Variants in TLL2 observed in about 807,000 individuals in gnomAD.
TLL2 encodes tolloid like 2.
TLL2 carries 106 observed loss-of-function variants against 123.0 expected under a neutral mutation model. That is an observed-to-expected ratio of 0.86 (90% CI 0.74 to 1.01). The LOEUF (loss-of-function observed/expected upper bound fraction) is 1.01. Among genes scored for constraint, TLL2 ranks in the 50% least tolerant of loss-of-function variants. The pLI is 0.00. For synonymous variants in TLL2, 494 were observed against 516.8 expected (o/e 0.96, Z 0.60); for missense variants, 1,332 against 1,336.7 (o/e 1.00, Z 0.06).
chr10:96,367,924 A>T lies in TLL2; in HGVS notation c.*164T>A. The T allele has an allele frequency of 1.2e-6, 1 of 847,702 alleles. No individual in the cohort carries two copies. Among genetic ancestry groups the T allele is most frequent in the Non-Finnish European group, 1.7e-6 (1 of 572,686 alleles). 52.5% of individuals were successfully genotyped at this position (847,702 alleles called of 1,614,324 possible). ...TCTCTCCACCTTGTTGGCCAAACTT[A>T]CAAGACTTTCATTCAAATATATACC... is the stretch of plus-strand genomic sequence containing the variant. On this transcript the variant is annotated 3_prime_UTR_variant, in exon 21 of 21. Transcript: ENST00000357947.
intron 20 of TLL2, among the ~76,000 whole-genome samples, chr10:96,369,838 A>G (rs1478904208): frequency 6.6e-6 from 1 of 151,666 alleles, no homozygotes; most frequent in African/African-American, 2.4e-5. Flanking sequence ...GTGCTCTTCC[A>G]TGGCTGGCCT....
At chr10:96,440,509 T>G (rs1846840948) in intron 3 of TLL2, among the ~76,000 whole-genome samples, 1 of 152,248 alleles carries the variant, frequency 6.6e-6, no homozygotes, top group Non-Finnish European at 1.5e-5. Flanking sequence ...AGTTTGTTAC[T>G]CATTTCCCAT....
At position 96,410,367 on chromosome 10, in the gene TLL2, C is replaced by T; in HGVS notation, c.1156G>A (p.Gly386Arg). ...GGGGGCTTCCCACCTACCTTTTCCC[C>T]TGGGGTGACCGAGATCCTCCAGACG... is the stretch of plus-strand genomic sequence containing the variant. Reference protein sequence around the residue: ...HCVWRISVTPGEKIVLNFTSM... With the variant: ...HCVWRISVTPREKIVLNFTSM... Residue 386 changes from glycine to arginine, a missense_variant, in exon 9 of 21, where the codon GGG becomes AGG. Transcript: ENST00000357947. 2.5e-6 allele frequency: 4 copies of T among 1,613,006 alleles called. No homozygotes were observed. Among genetic ancestry groups the T allele is most frequent in the African/African-American group, 1.3e-5 (1 of 75,012 alleles).
intron 10 of TLL2, among the ~76,000 whole-genome samples, chr10:96,397,929 G>A (rs1460972107): frequency 6.6e-6 from 1 of 152,190 alleles, no homozygotes; most frequent in African/African-American, 2.4e-5. Flanking sequence ...ATCTCACCTT[G>A]AGAAAGAGAT....
chr10:96,507,114 TG>T (rs1316030992), intron 1 of TLL2, among the ~76,000 whole-genome samples: 4 of 152,062 alleles, frequency 2.6e-5, no homozygotes, highest in Admixed American at 2.6e-4. Flanking sequence ...TCTTCCTTCC[TG>T]GTCCCCCCTT....
At chr10:96,436,019 T>C (rs1295404009) in intron 3 of TLL2, among the ~76,000 whole-genome samples, 1 of 152,250 alleles carries the variant, frequency 6.6e-6, no homozygotes, top group Non-Finnish European at 1.5e-5. Context: ...GTGTGTGTTA[T>C]TGATTTCTAA....
intron 12 of TLL2, 115 bp from the exon 13 acceptor site, chr10:96,395,497 C>G (rs1456606747): frequency 1.9e-6 from 2 of 1,063,720 alleles, no homozygotes; most frequent in African/African-American, 3.2e-5. Context: ...CCAAAGGACC[C>G]AAGTGTGTCC....
intron 13 of TLL2, among the ~76,000 whole-genome samples, chr10:96,388,073 A>T (rs4919007): frequency 0.98 from 149,099 of 152,198 alleles, 73,101 homozygotes; most frequent in East Asian, 1. Context: ...AGGAGAGTTC[A>T]GGTCCACAGC....
At chr10:96,494,873 AGATCTAT>A (rs1564919037) in intron 1 of TLL2, among the ~76,000 whole-genome samples, 2 of 152,158 alleles carry the variant, frequency 1.3e-5, no homozygotes, top group African/African-American at 2.4e-5. Context: ...GCCCCAACCC[AGATCTAT>A]GAAATCAGAA....
At position 96,379,019 on chromosome 10, in the gene TLL2, G is replaced by T; in HGVS notation, c.2268C>A (p.Cys756Ter). 1 of 1,614,208 alleles carries T rather than the reference G, an allele frequency of 6.2e-7. No individual in the cohort carries two copies. The highest frequency in any genetic ancestry group is 8.5e-7 in the Non-Finnish European group (1 of 1,180,024). Residue 756 changes from cysteine to a stop codon, truncating the protein, a stop_gained, in exon 17 of 21, where the codon TGC becomes TGA. Coordinates refer to ENST00000357947, the MANE Select transcript of TLL2 (RefSeq NM_012465.4). LOFTEE classifies it high-confidence loss of function. ...ECVNTFGSYL[C>*]RCRNGYWLHE... is the part of the protein sequence containing the mutation. Reference sequence around the variant, plus strand: ...GGAGCCAGTAGCCGTTTCTGCACCTGCACAGGTAGCTCCCGAAGGTGTTGA... The same window carrying T: ...GGAGCCAGTAGCCGTTTCTGCACCTTCACAGGTAGCTCCCGAAGGTGTTGA...
At chr10:96,495,964 A>C (rs765869553) in intron 1 of TLL2, among the ~76,000 whole-genome samples, 3 of 152,232 alleles carry the variant, frequency 2.0e-5, no homozygotes, top group Non-Finnish European at 4.4e-5. Context: ...AAAACTTTAA[A>C]ACTGAAGAAT....
At chr10:96,410,306 C>T (rs1288206830) in intron 9 of TLL2, 53 bp downstream of exon 9, 3 of 1,378,608 alleles carry the variant, frequency 2.2e-6, no homozygotes, top group Non-Finnish European at 2.1e-6. Context: ...CTCCTCCCAC[C>T]TCACCCAACT....
intron 13 of TLL2, 36 bp downstream of exon 13, chr10:96,395,151 T>A: frequency 6.4e-7 from 1 of 1,558,432 alleles, no homozygotes; most frequent in Non-Finnish European, 8.7e-7. Flanking sequence ...TATTTCTTCT[T>A]GTGCCTAAAA....
Position 96,396,955 on chromosome 10 carries a change from G to A in TLL2, c.1384+231C>T, listed in dbSNP as rs140682302. On this transcript the variant is annotated intron_variant, in intron 11 of 20. Coordinates refer to ENST00000357947, the MANE Select transcript of TLL2 (RefSeq NM_012465.4). ...TCAGCTGGCCTGGAATGAGGGTTGAGTGGGATGGCGTCAGAAGGATGGCAC... is the reference window on the plus strand; with the variant it reads ...TCAGCTGGCCTGGAATGAGGGTTGAATGGGATGGCGTCAGAAGGATGGCAC... Among the ~76,000 whole-genome samples, 1,256 of 152,288 alleles carry A rather than the reference G, an allele frequency of 8.2e-3. 24 individuals carry two copies. The highest frequency in any genetic ancestry group is 0.028 in the African/African-American group (1,155 of 41,546).
intron 2 of TLL2, among the ~76,000 whole-genome samples, chr10:96,452,924 T>C (rs1846975268): frequency 6.6e-6 from 1 of 152,230 alleles, no homozygotes; most frequent in Non-Finnish European, 1.5e-5. Flanking sequence ...AAGCAATCAA[T>C]GTGTAATCTT....
intron 2 of TLL2, among the ~76,000 whole-genome samples, chr10:96,469,725 A>C (rs1464239492): frequency 6.6e-6 from 1 of 152,216 alleles, no homozygotes; most frequent in African/African-American, 2.4e-5. Context: ...TTAAAAACAC[A>C]ATCTCCTTAA....
intron 10 of TLL2, among the ~76,000 whole-genome samples, chr10:96,402,927 C>A (rs910902829): frequency 5.3e-5 from 8 of 152,180 alleles, no homozygotes; most frequent in Non-Finnish European, 8.8e-5. Context: ...TTCCTATCTC[C>A]ATCTTGGCCA....
chr10:96,394,458 C>T (rs886972178), intron 13 of TLL2, among the ~76,000 whole-genome samples: 40 of 152,286 alleles, frequency 2.6e-4, no homozygotes, highest in African/African-American at 8.4e-4. Flanking sequence ...CAGGAAAGCT[C>T]GGTCTGCCCA....
At chr10:96,451,116 T>C (rs1048496564) in intron 2 of TLL2, among the ~76,000 whole-genome samples, 3 of 152,180 alleles carry the variant, frequency 2.0e-5, no homozygotes, top group Non-Finnish European at 4.4e-5. Context: ...CCGGCTGAAA[T>C]GTTTCTATCC....
Sources: allele counts gnomAD v4.1 joint callset (sites outside exome capture counted in the v4.1 genomes callset), GRCh38; gene constraint gnomAD v4.1.1; transcripts MANE v1.5; gene names NCBI Gene and HGNC (gene_info 2026-07-23, HGNC 2026-07-21).